Variants in MGAT4C observed in about 807,000 individuals in gnomAD.
MGAT4C encodes the protein MGAT4 family member C.
A neutral mutation model predicts 40.1 loss-of-function variants in MGAT4C; 19 were observed. That is an observed-to-expected ratio of 0.47 (90% CI 0.33 to 0.70). The LOEUF (loss-of-function observed/expected upper bound fraction) is 0.70. Ranked by LOEUF, MGAT4C falls within the 30% of genes least tolerant of loss-of-function variation. The pLI is 0.02. For missense variants in MGAT4C, 491 were observed against 563.2 expected (o/e 0.87, Z 1.30); for synonymous variants, 181 against 187.1 (o/e 0.97, Z 0.27).
At chr12:86,425,738 G>C (rs1336370745) in intron 3 of MGAT4C, among the ~76,000 whole-genome samples, 3 of 152,100 alleles carry the variant, frequency 2.0e-5, no homozygotes, top group Non-Finnish European at 4.4e-5. Flanking sequence ...GAAATTACAT[G>C]ATGATCCCTT....
In MGAT4C at chr12:85,980,497, G is replaced by T. The variant is rs1383881286; in HGVS notation, c.296-67C>A. 2.9e-6 allele frequency: 4 copies of T among 1,390,422 alleles called. No homozygotes were observed. In the African/African-American group the frequency reaches 5.8e-5, roughly 20 times the overall value. The allele number at this position is 1,390,422 out of a possible 1,614,324, so 86.1% of individuals were successfully genotyped here. A position where few individuals can be genotyped will look rare whatever the true frequency, so the allele number is the denominator to read the frequency against. On this transcript the variant is annotated intron_variant, in intron 4 of 4. Transcript: ENST00000611864. Reference sequence around the variant, plus strand: ...AATATGGAAAAAGTAAAAGAGAGAAGATATTTATTCCTTTGACTTGCTACT... The same window carrying T: ...AATATGGAAAAAGTAAAAGAGAGAATATATTTATTCCTTTGACTTGCTACT...
chr12:86,238,193 T>A (rs1566198543), intron 1 of MGAT4C, among the ~76,000 whole-genome samples: 1 of 151,944 alleles, frequency 6.6e-6, no homozygotes, highest in African/African-American at 2.4e-5. Context: ...ATCCTTCATG[T>A]TAGAGTAGAC....
intron 1 of MGAT4C, among the ~76,000 whole-genome samples, chr12:86,807,185 T>C (rs1221081489): frequency 1.3e-5 from 2 of 152,010 alleles, no homozygotes; most frequent in East Asian, 3.9e-4. Flanking sequence ...TAGGTAAACA[T>C]GTGTCATGGT....
intron 3 of MGAT4C, among the ~76,000 whole-genome samples, chr12:86,405,148 C>T (rs1381031882): frequency 6.6e-6 from 1 of 151,780 alleles, no homozygotes; most frequent in African/African-American, 2.4e-5. Flanking sequence ...ACTCCTATTC[C>T]AAATGGTGAT....
At chr12:86,653,696 T>C (rs1266597511) in intron 2 of MGAT4C, among the ~76,000 whole-genome samples, 3 of 151,962 alleles carry the variant, frequency 2.0e-5, no homozygotes, top group Non-Finnish European at 4.4e-5. Flanking sequence ...AAATCATAGG[T>C]TGATGGAGGT....
intron 1 of MGAT4C, among the ~76,000 whole-genome samples, chr12:86,122,065 C>T (rs959076998): frequency 1.7e-4 from 26 of 152,108 alleles, no homozygotes; most frequent in Non-Finnish European, 3.4e-4. Flanking sequence ...TGAAAAATAA[C>T]TATAGTCATC....
intron 3 of MGAT4C, among the ~76,000 whole-genome samples, chr12:86,347,714 T>C (rs1012537352): frequency 3.3e-5 from 5 of 152,150 alleles, no homozygotes; most frequent in Admixed American, 1.3e-4. Context: ...GGTTCATTCA[T>C]TGGGATAGGC....
At chr12:86,242,467 C>T (rs1239132817) in intron 1 of MGAT4C, among the ~76,000 whole-genome samples, 1 of 151,964 alleles carries the variant, frequency 6.6e-6, no homozygotes, top group Non-Finnish European at 1.5e-5. Context: ...AGGCACGGAC[C>T]CTTAAACAAG....
chr12:86,179,887 C>A (rs553102287), intron 1 of MGAT4C, among the ~76,000 whole-genome samples: 1 of 152,328 alleles, frequency 6.6e-6, no homozygotes, highest in Non-Finnish European at 1.5e-5. Flanking sequence ...GAATTTCAAG[C>A]TGGCTGCAGA....
chr12:86,711,636 T>C (rs1401594015), intron 2 of MGAT4C, among the ~76,000 whole-genome samples: 3 of 152,036 alleles, frequency 2.0e-5, no homozygotes, highest in Non-Finnish European at 4.4e-5. Flanking sequence ...GAATAAAGGA[T>C]AAATGGAAGA....
At chr12:86,111,862 T>G (rs1467628098) in intron 1 of MGAT4C, among the ~76,000 whole-genome samples, 1 of 151,886 alleles carries the variant, frequency 6.6e-6, no homozygotes, top group African/African-American at 2.4e-5. Context: ...TTTCGATCTT[T>G]CTGTAATCAC....
chr12:86,564,503 G>C (rs1453731484), intron 2 of MGAT4C, among the ~76,000 whole-genome samples: 2 of 152,094 alleles, frequency 1.3e-5, no homozygotes, highest in Non-Finnish European at 2.9e-5. Flanking sequence ...ATGCTGATTG[G>C]GTCCAGTAAC....
chr12:86,012,753 A>AAACAACAACAACAACAACAAC (rs552362981), intron 2 of MGAT4C, among the ~76,000 whole-genome samples: 11 of 109,704 alleles, frequency 1.0e-4, no homozygotes, highest in South Asian at 3.2e-4. Flanking sequence ...ACTCCGTCTC[A>AAACAACAACAACAACAACAAC]AACAACAACA....
At chr12:86,251,533 C>A (rs765779631) in intron 1 of MGAT4C, among the ~76,000 whole-genome samples, 3 of 151,994 alleles carry the variant, frequency 2.0e-5, no homozygotes, top group Non-Finnish European at 4.4e-5. Context: ...TGTTTTCTAG[C>A]ATGATCATAG....
intron 1 of MGAT4C, among the ~76,000 whole-genome samples, chr12:86,207,627 T>A (rs1950309146): frequency 6.6e-6 from 1 of 152,174 alleles, no homozygotes; most frequent in Non-Finnish European, 1.5e-5. Flanking sequence ...TGCTGACACT[T>A]ATATAGCATA....
intron 1 of MGAT4C, among the ~76,000 whole-genome samples, chr12:86,140,140 C>T (rs960913597): frequency 3.9e-5 from 6 of 152,106 alleles, no homozygotes; most frequent in East Asian, 1.9e-4. Flanking sequence ...CTTCCTGGAA[C>T]TCTTTAATTC....
intron 1 of MGAT4C, among the ~76,000 whole-genome samples, chr12:86,051,951 A>G (rs1211916511): frequency 6.6e-6 from 1 of 151,664 alleles, no homozygotes; most frequent in Non-Finnish European, 1.5e-5. Flanking sequence ...AAAATATTTC[A>G]AAGAGTTTTT....
At chr12:86,829,596 T>G (rs1952878574) in intron 1 of MGAT4C, among the ~76,000 whole-genome samples, 1 of 151,544 alleles carries the variant, frequency 6.6e-6, no homozygotes, top group Non-Finnish European at 1.5e-5. Flanking sequence ...AAAAATCAAG[T>G]GTATTCATAA....
intron 4 of MGAT4C, among the ~76,000 whole-genome samples, chr12:86,275,388 A>C (rs772398530): frequency 6.6e-6 from 1 of 152,202 alleles, no homozygotes; most frequent in African/African-American, 2.4e-5. Context: ...CCGTATCATA[A>C]GGATTTTATG....
Sources: gnomAD v4.1 joint callset for allele counts (sites outside exome capture counted in the v4.1 genomes callset) on GRCh38, gnomAD v4.1.1 for gene constraint, MANE v1.5 for transcripts, NCBI Gene and HGNC (gene_info 2026-07-23, HGNC 2026-07-21) for gene names.